TIE1: variants seen among roughly 807,000 people sequenced by gnomAD.
TIE1 encodes the protein tyrosine-protein kinase receptor Tie-1.
Under a neutral mutation model 130.5 loss-of-function variants are expected in TIE1, and 89 were observed. That is an observed-to-expected ratio of 0.68 (90% CI 0.57 to 0.81). TIE1 has a LOEUF of 0.81. Ranked by LOEUF, TIE1 falls within the 40% of genes least tolerant of loss-of-function variation. The pLI, the probability that TIE1 is intolerant of heterozygous loss-of-function variation, is 0.00. For missense variants in TIE1, 1,392 were observed against 1,559.8 expected (o/e 0.89, Z 1.81); for synonymous variants, 568 against 629.4 (o/e 0.90, Z 1.46).
rs1437254964 is a variant in TIE1, at chr1:43,307,968, C to G, written c.1042+44C>G. 1.1e-5 allele frequency: 18 copies of G among 1,606,838 alleles called. No homozygotes were observed. In the South Asian group the frequency reaches 1.8e-4, roughly 16 times the overall value. On this transcript the variant is annotated intron_variant, in intron 7 of 22. Transcript: ENST00000372476. This position sits in a 1 kb window ranked among gnomAD's most constrained non-coding sequence, Gnocchi z 5.4. ...CTGAGAGCCCCCCAAGATAAGTCGG[C>G]CTTTACCAAACACATCTCCCCGGTG...
Position 43,307,809 on chromosome 1 carries a change from T to C in TIE1, c.927T>C (p.Gly309=), listed in dbSNP as rs570727231. 91 of 1,614,000 alleles carry C rather than the reference T, an allele frequency of 5.6e-5. No homozygotes were observed. Among genetic ancestry groups the C allele is most frequent in the Non-Finnish European group, 7.5e-5 (88 of 1,180,028 alleles). Residue 309 remains glycine (G), a synonymous_variant, in exon 7 of 23, where the codon GGT becomes GGC. Transcript: ENST00000372476. The surrounding 1 kb of genome is among the most constrained non-coding windows in gnomAD (Gnocchi z 5.4). The part of the protein sequence containing the change: ...GSQCQEACAP[G]HFGADCRLQC... ...CTCTATTCCCAGCTTGTGCCCCTGG[T>C]CATTTTGGGGCTGATTGCCGACTCC...
chr1:43,312,599 G>A lies in TIE1; in HGVS notation c.1925G>A (p.Ser642Asn). Reference sequence around the variant, plus strand: ...CCTGCACACGTGCTTCTGCCCCCCAGTGGTATGTGCAAGGCGCAAGGATAG... The same window carrying A: ...CCTGCACACGTGCTTCTGCCCCCCAATGGTATGTGCAAGGCGCAAGGATAG... ...SPPAHVLLPP[S>N]GPPAPRHLHA... Residue 642 changes from serine (S) to asparagine (N), a missense_variant and splice_region_variant, in exon 12 of 23, where the codon AGT becomes AAT. This residue lies in a region of TIE1 where 551 missense variants were observed against 565.5 expected (regional missense o/e 0.97). Coordinates refer to ENST00000372476, the MANE Select transcript of TIE1 (RefSeq NM_005424.5). The surrounding 1 kb of genome is among the most constrained non-coding windows in gnomAD (Gnocchi z 5.6). The A allele has an allele frequency of 6.2e-7, 1 of 1,601,934 alleles. No individual in the cohort carries two copies. The highest frequency in any genetic ancestry group is 8.5e-7 in the Non-Finnish European group (1 of 1,173,688).
chr1:43,313,742 G>A lies in TIE1; in HGVS notation c.2219-36G>A. On this transcript the variant is annotated intron_variant, in intron 13 of 22. Transcript: ENST00000372476. The surrounding 1 kb of genome is among the most constrained non-coding windows in gnomAD (Gnocchi z 6.2). The stretch of plus-strand genomic sequence containing the variant: ...GGTGGCCTCTGGGTTCCCTGACCCA[G>A]GTGTCCCCACAATCTGCCCCTCTCA... 6.3e-7 allele frequency: 1 copy of A among 1,582,252 alleles called. No individual in the cohort carries two copies. The highest frequency in any genetic ancestry group is 8.6e-7 in the Non-Finnish European group (1 of 1,162,454).
At chr1:43,310,324 C>T (rs6694837) in intron 9 of TIE1, among the ~76,000 whole-genome samples, 3,540 of 152,284 alleles carry the variant, frequency 0.023, 131 homozygotes, top group African/African-American at 0.081. Flanking sequence ...GGGCTTGAAT[C>T]CTCTCTCCAC....
intron 14 of TIE1, among the ~76,000 whole-genome samples, chr1:43,314,897 G>A (rs1173456174): frequency 1.3e-5 from 2 of 152,184 alleles, no homozygotes; most frequent in Non-Finnish European, 2.9e-5. Context: ...TATGGAAGGA[G>A]GCATATTCTG....
rs200668680 is a variant in TIE1, at chr1:43,313,323, C to T, written c.2116C>T (p.Arg706Cys). The T allele has an allele frequency of 5.6e-5, 90 of 1,613,922 alleles. No homozygotes were observed. The highest frequency in any genetic ancestry group is 7.2e-5 in the Non-Finnish European group (85 of 1,179,968). The change falls in exon 13 of 23, where the codon CGT becomes TGT. Residue 706 changes from arginine (R) to cysteine (C), a missense_variant. Around this residue, in one of 6 missense-constraint regions of TIE1, gnomAD observed 551 missense variants for 565.5 expected, o/e 0.97. Transcript: ENST00000372476. The surrounding 1 kb of genome is among the most constrained non-coding windows in gnomAD (Gnocchi z 6.2). ...DRPEETSTII[R>C]GLNASTRYLF... is the part of the protein sequence containing the mutation. The stretch of plus-strand genomic sequence containing the variant: ...GCCTGAGGAGACAAGCACCATCATC[C>T]GTGGCCTCAACGCCAGCACGCGCTA...
rs773692421 is a variant in TIE1, at chr1:43,317,324, C to T, written c.2535C>T (p.Ile845=). ...AGGACATCACCTTTGAGGACCTCATCGGGGAGGGGAACTTCGGCCAGGTCA... is the reference window on the plus strand; with the variant it reads ...AGGACATCACCTTTGAGGACCTCATTGGGGAGGGGAACTTCGGCCAGGTCA... ...EWEDITFEDL[I]GEGNFGQVIR... The change falls in exon 15 of 23, where the codon ATC becomes ATT. Residue 845 remains isoleucine, a synonymous_variant. Coordinates refer to ENST00000372476, the MANE Select transcript of TIE1 (RefSeq NM_005424.5). This position sits in a 1 kb window ranked among gnomAD's most constrained non-coding sequence, Gnocchi z 5.1. 41 of 1,613,900 alleles carry T rather than the reference C, an allele frequency of 2.5e-5. No homozygotes were observed. Among genetic ancestry groups the T allele is most frequent in the Middle Eastern group, 1.6e-4 (1 of 6,084 alleles).
rs1188778360 is a variant in TIE1 at position 43,307,777 on chromosome 1, A to G, written c.914-19A>G. On this transcript the variant is annotated intron_variant, in intron 6 of 22. Coordinates refer to ENST00000372476, the MANE Select transcript of TIE1 (RefSeq NM_005424.5). This position sits in a 1 kb window ranked among gnomAD's most constrained non-coding sequence, Gnocchi z 5.4. ...CCCCCTGTCCCATGCCCCTCTAATC[A>G]TACCTCCTCTATTCCCAGCTTGTGC... 6.2e-7 allele frequency: 1 copy of G among 1,613,550 alleles called. No individual in the cohort carries two copies. The highest frequency in any genetic ancestry group is 1.3e-5 in the African/African-American group (1 of 74,804).
intron 14 of TIE1, 85 bp downstream of exon 14, chr1:43,314,053 T>TTG (rs138876276): frequency 0.016 from 20,020 of 1,238,430 alleles, 123 homozygotes; most frequent in Admixed American, 0.053. Flanking sequence ...CTTGTACACC[T>TTG]TGTGTGTGTG....
rs867490040 is a variant in TIE1, at chr1:43,318,298, A to T, written c.2922+226A>T. Among the ~76,000 whole-genome samples, 2 of 152,284 alleles carry T rather than the reference A, an allele frequency of 1.3e-5. No homozygotes were observed. The highest frequency in any genetic ancestry group is 4.1e-4 in the South Asian group (2 of 4,820). ...TGTTGAGTGAGCAGGTCTAGATGCT[A>T]GCCTGGAACTCAGGAGAGAGGCCCA... On this transcript the variant is annotated intron_variant, in intron 17 of 22. Transcript: ENST00000372476. The surrounding 1 kb of genome is among the most constrained non-coding windows in gnomAD (Gnocchi z 4.4).
rs757873490 is a variant in TIE1 at position 43,317,396 on chromosome 1, C to A, written c.2607C>A (p.Ile869=). The part of the protein sequence containing the change: ...KKDGLKMNAA[I]KMLKEYASEN... Reference sequence around the variant, plus strand: ...ACGGGCTGAAGATGAACGCAGCCATCAAAATGCTGAAAGGTCCACTGGGGC... The same window carrying A: ...ACGGGCTGAAGATGAACGCAGCCATAAAAATGCTGAAAGGTCCACTGGGGC... The change falls in exon 15 of 23, where the codon ATC becomes ATA. Residue 869 remains isoleucine, a synonymous_variant. Transcript: ENST00000372476. The surrounding 1 kb of genome is among the most constrained non-coding windows in gnomAD (Gnocchi z 5.1). The A allele has an allele frequency of 6.2e-7, 1 of 1,614,112 alleles. No individual in the cohort carries two copies. The highest frequency in any genetic ancestry group is 8.5e-7 in the Non-Finnish European group (1 of 1,180,040).
Position 43,313,989 on chromosome 1 carries a change from C to G in TIE1, c.2409+21C>G. On this transcript the variant is annotated intron_variant, in intron 14 of 22. Coordinates refer to ENST00000372476, the MANE Select transcript of TIE1 (RefSeq NM_005424.5). This position sits in a 1 kb window ranked among gnomAD's most constrained non-coding sequence, Gnocchi z 6.2. ...GCTCGGTCAGTGACCCGCCCCGCCC[C>G]TGGGTGCATGCTTGCAGCCCGTGTT... 6.2e-7 allele frequency: 1 copy of G among 1,613,862 alleles called. No homozygotes were observed. The highest frequency in any genetic ancestry group is 1.3e-5 in the African/African-American group (1 of 75,046).
chr1:43,305,181 G>A lies in TIE1; in HGVS notation c.373+16G>A, dbSNP rs771321766. 3.7e-6 allele frequency: 6 copies of A among 1,613,796 alleles called. No homozygotes were observed. Among genetic ancestry groups the A allele is most frequent in the South Asian group, 2.2e-5 (2 of 91,060 alleles). On this transcript the variant is annotated intron_variant, in intron 2 of 22. Transcript: ENST00000372476. ...AGCCCTGGAGGTGAGTTAGGCAGGC[G>A]GGGGGATGGCGCGGGGAAAACCAGG...
Position 43,309,565 on chromosome 1 carries a change from C to A in TIE1, c.1333+33C>A, listed in dbSNP as rs369584079. ...ATGTCCTAGGTCCACAGGGAATGGA[C>A]GGTGAGCAGAGTAGGCTCTAGATGA... On this transcript the variant is annotated intron_variant, in intron 9 of 22. Coordinates refer to ENST00000372476, the MANE Select transcript of TIE1 (RefSeq NM_005424.5). The surrounding 1 kb of genome is among the most constrained non-coding windows in gnomAD (Gnocchi z 6.3). The A allele has an allele frequency of 1.9e-6, 3 of 1,546,154 alleles. No homozygotes were observed. The highest frequency in any genetic ancestry group is 1.3e-5 in the South Asian group (1 of 77,918).
At chr1:43,308,183 A>G (rs1646750235) in intron 7 of TIE1, among the ~76,000 whole-genome samples, 1 of 152,186 alleles carries the variant, frequency 6.6e-6, no homozygotes, top group Admixed American at 6.5e-5. Context: ...AGAATGTGGG[A>G]GCCCAGAGGA....
At position 43,322,468 on chromosome 1, in the gene TIE1, C is replaced by G. The variant is rs1295643536; in HGVS notation, c.3346-183C>G. 6.6e-6 allele frequency among the ~76,000 whole-genome samples: 1 copy of G among 152,238 alleles called. No homozygotes were observed. The highest frequency in any genetic ancestry group is 1.5e-5 in the Non-Finnish European group (1 of 68,044). On this transcript the variant is annotated intron_variant, in intron 22 of 22. Coordinates refer to ENST00000372476, the MANE Select transcript of TIE1 (RefSeq NM_005424.5). The surrounding 1 kb of genome is among the most constrained non-coding windows in gnomAD (Gnocchi z 4.0). ...ATTGAGAGCCTCTCACCTGAGGCCC[C>G]AACTGTGGCCTGATGCCTTCACTGC...
At chr1:43,304,078 C>CT (rs1435273002) in intron 1 of TIE1, among the ~76,000 whole-genome samples, 1 of 137,150 alleles carries the variant, frequency 7.3e-6, no homozygotes, top group Non-Finnish European at 1.7e-5. Context: ...TGGGCCCAGC[C>CT]CCAAGCTTAG....
At chr1:43,310,543 C>G (rs1322923725) in intron 9 of TIE1, among the ~76,000 whole-genome samples, 1 of 152,130 alleles carries the variant, frequency 6.6e-6, no homozygotes, top group East Asian at 1.9e-4. Flanking sequence ...GTCACCTAGT[C>G]CCTAGATTTT....
At position 43,304,869 on chromosome 1, in the gene TIE1, C is replaced by G; in HGVS notation, c.77C>G (p.Thr26Arg). ...GCCCCAGGCGCGGCGGTGGACCTGA[C>G]GCTGCTGGCCAACCTGCGGCTCACG... ...ASHVGAAVDL[T>R]LLANLRLTDP... Residue 26 changes from threonine to arginine, a missense_variant, in exon 2 of 23, where the codon ACG (threonine) becomes AGG (arginine). Physicochemically the swap from Thr to Arg is moderately conservative, Grantham distance 71. Coordinates refer to ENST00000372476, the MANE Select transcript of TIE1 (RefSeq NM_005424.5). 1.4e-6 allele frequency: 2 copies of G among 1,423,152 alleles called. No individual in the cohort carries two copies. Among genetic ancestry groups the G allele is most frequent in the Non-Finnish European group, 1.8e-6 (2 of 1,094,574 alleles). The allele number at this position is 1,423,152 out of a possible 1,614,324, so 88.2% of individuals were successfully genotyped here. A position where few individuals can be genotyped will look rare whatever the true frequency, so the allele number is the denominator to read the frequency against.
Sources: gnomAD v4.1 joint callset for allele counts (sites outside exome capture counted in the v4.1 genomes callset) on GRCh38, gnomAD v4.1.1 for gene constraint, gnomAD v4.1.1 regional missense constraint, Gnocchi (gnomAD v3.1) non-coding constraint, MANE v1.5 for transcripts, NCBI Gene and HGNC (gene_info 2026-07-23, HGNC 2026-07-21) for gene names.